The following GALNT15 variants were observed in gnomAD, a reference collection of about 807,000 sequenced individuals.
GALNT15 encodes UDP-GalNAc transferase T15.
A neutral mutation model predicts 66.8 loss-of-function variants in GALNT15; 67 were observed. The observed-to-expected ratio is 1.00, with a 90% confidence interval of 0.82 to 1.23. GALNT15 has a LOEUF of 1.23. GALNT15 is among the 50% of genes most tolerant of loss of function. The pLI, the probability that GALNT15 is intolerant of heterozygous loss-of-function variation, is 0.00. For missense variants in GALNT15, 827 were observed against 804.3 expected (o/e 1.03, Z -0.34); for synonymous variants, 313 against 311.5 (o/e 1.00, Z -0.05).
chr3:16,219,508 G>C lies in GALNT15; in HGVS notation c.1498G>C (p.Glu500Gln). ...TGTCTACCCTGAGCTGTACCCATCT[G>C]AACCCAGGCCCAGTTTCTCTGGAAA... ...ANVYPELYPS[E>Q]PRPSFSGKLH... Residue 500 changes from glutamate (E) to glutamine (Q), a missense_variant, in exon 7 of 10, where the codon GAA (glutamate) becomes CAA (glutamine). Glu to Gln is a conservative substitution (Grantham distance 29). Coordinates refer to ENST00000339732, the MANE Select transcript of GALNT15 (RefSeq NM_054110.5). The surrounding 1 kb of genome is among the most constrained non-coding windows in gnomAD (Gnocchi z 4.3). The C allele has an allele frequency of 6.2e-7, 1 of 1,614,192 alleles. No homozygotes were observed. Among genetic ancestry groups the C allele is most frequent in the Non-Finnish European group, 8.5e-7 (1 of 1,180,034 alleles).
chr3:16,242,658 A>C, the GALNT15 span, among the ~76,000 whole-genome samples: 2 of 152,204 alleles, frequency 1.3e-5, no homozygotes, highest in African/African-American at 4.8e-5. This position sits in a 1 kb window ranked among gnomAD's most constrained non-coding sequence, Gnocchi z 5.6. Flanking sequence ...ACATGCCTGT[A>C]GTCCCAGCTA....
chr3:16,178,684 C>A (rs949879533), intron 1 of GALNT15, among the ~76,000 whole-genome samples: 5 of 152,210 alleles, frequency 3.3e-5, no homozygotes, highest in Non-Finnish European at 5.9e-5. Flanking sequence ...ACCCTCCCCC[C>A]AGGGTGACAG....
At chr3:16,244,533 G>A in the GALNT15 span, among the ~76,000 whole-genome samples, 30 of 152,214 alleles carry the variant, frequency 2.0e-4, no homozygotes, top group African/African-American at 5.5e-4. Flanking sequence ...GCATCCTAAC[G>A]CCATTGGGCA....
intron 9 of GALNT15, among the ~76,000 whole-genome samples, chr3:16,226,294 A>C (rs538338825): frequency 5.3e-5 from 8 of 152,204 alleles, no homozygotes; most frequent in Non-Finnish European, 1.2e-4. Flanking sequence ...TTGTGAATAT[A>C]CTAAAAACCA....
rs1688850940 is a variant in GALNT15 at position 16,186,126 on chromosome 3, A to C, written c.540-9634A>C. On this transcript the variant is annotated intron_variant, in intron 1 of 9. Coordinates refer to ENST00000339732, the MANE Select transcript of GALNT15 (RefSeq NM_054110.5). The surrounding 1 kb of genome is among the most constrained non-coding windows in gnomAD (Gnocchi z 5.1). ...TAAACAACAAAACACTCCATTTTAA[A>C]ATGGGCAAAGGATTTGAATAGACAT... is the stretch of plus-strand genomic sequence containing the variant. 6.6e-6 allele frequency among the ~76,000 whole-genome samples: 1 copy of C among 152,238 alleles called. No homozygotes were observed. The highest frequency in any genetic ancestry group is 2.1e-4 in the South Asian group (1 of 4,836).
chr3:16,179,750 A>G (rs2063449656), intron 1 of GALNT15, among the ~76,000 whole-genome samples: 1 of 152,168 alleles, frequency 6.6e-6, no homozygotes, highest in Admixed American at 6.5e-5. Context: ...AACTCAATGA[A>G]ATGGTTGTGC....
intron 4 of GALNT15, among the ~76,000 whole-genome samples, 162 bp downstream of exon 4, chr3:16,208,832 C>G (rs1477145301): frequency 6.6e-6 from 1 of 152,172 alleles, no homozygotes; most frequent in African/African-American, 2.4e-5. Context: ...TAGTATTTAC[C>G]TATAAGGGTT....
chr3:16,233,092 A>ATGTTTTTTTTTTTTTTTTTTTTTTTTTT (rs771943641), downstream of GALNT15, among the ~76,000 whole-genome samples: 1 of 48,074 alleles, frequency 2.1e-5, no homozygotes, highest in Non-Finnish European at 4.2e-5. Flanking sequence ...AGGATAATGC[A>ATGTTTTTTTTTTTTTTTTTTTTTTTTTT]TCTTTTTTTT....
chr3:16,244,026 C>A, the GALNT15 span: 1 of 984,910 alleles, frequency 1.0e-6, no homozygotes, highest in South Asian at 4.7e-5. Context: ...ACAGGCTCTG[C>A]ACACTCAGAA....
At chr3:16,247,516 T>C in the GALNT15 span, among the ~76,000 whole-genome samples, 1 of 152,168 alleles carries the variant, frequency 6.6e-6, no homozygotes, top group Non-Finnish European at 1.5e-5. Context: ...AGGAACCAGG[T>C]CAGCCTGCAA....
chr3:16,230,194 C>T (rs762978793), downstream of GALNT15, among the ~76,000 whole-genome samples: 1 of 152,030 alleles, frequency 6.6e-6, no homozygotes, highest in Non-Finnish European at 1.5e-5. This position sits in a 1 kb window ranked among gnomAD's most constrained non-coding sequence, Gnocchi z 4.5. Context: ...TTAACTATAC[C>T]ACTGGGGAGA....
intron 2 of GALNT15, among the ~76,000 whole-genome samples, chr3:16,199,288 C>A (rs572293823): frequency 7.1e-6 from 1 of 141,830 alleles, no homozygotes; most frequent in Non-Finnish European, 1.6e-5. Context: ...TTCTCTCATC[C>A]TTTCCGTCAT....
downstream of GALNT15, chr3:16,231,661 A>G: frequency 1.5e-6 from 1 of 676,906 alleles, no homozygotes; most frequent in South Asian, 1.8e-5. This position sits in a 1 kb window ranked among gnomAD's most constrained non-coding sequence, Gnocchi z 4.1. Flanking sequence ...AATGTTTGAA[A>G]ATTAAAGTTC....
In GALNT15 at chr3:16,175,311, GA is replaced by G; in HGVS notation, c.162del (p.Ala55ProfsTer95). ...AGCCCAAGCCAGCAAGCACAGCCCT[GA>G]AGCCAGGTACCGCCTGGACTTTGGG... Reference protein sequence around the residue: ...VTAQASKHSPEARYRLDFGES... With the variant: ...VTAQASKHSPXARYRLDFGES... On this transcript the variant is annotated frameshift_variant, in exon 1 of 10. Coordinates refer to ENST00000339732, the MANE Select transcript of GALNT15 (RefSeq NM_054110.5). LOFTEE classifies it high-confidence loss of function. This position sits in a 1 kb window ranked among gnomAD's most constrained non-coding sequence, Gnocchi z 5.6. 1 of 1,614,204 alleles carries G rather than the reference GA, an allele frequency of 6.2e-7. No homozygotes were observed. Among genetic ancestry groups the G allele is most frequent in the South Asian group, 1.1e-5 (1 of 91,090 alleles).
intron 1 of GALNT15, among the ~76,000 whole-genome samples, chr3:16,179,120 A>T (rs1404763941): frequency 2.8e-4 from 43 of 152,220 alleles, no homozygotes; most frequent in Non-Finnish European, 7.4e-5. Context: ...AAGAGGTCAA[A>T]AGACAGTCTC....
intron 2 of GALNT15, among the ~76,000 whole-genome samples, chr3:16,196,967 G>T (rs907564346): frequency 4.6e-5 from 7 of 152,200 alleles, no homozygotes; most frequent in African/African-American, 1.7e-4. Flanking sequence ...GCCTAGCCTG[G>T]CCATAGCAGT....
chr3:16,220,237 C>A, intron 8 of GALNT15: 1 of 553,566 alleles, frequency 1.8e-6, no homozygotes, highest in Non-Finnish European at 3.2e-6. Flanking sequence ...ATAAAAGCAT[C>A]TTAGTTAAAG....
Position 16,175,338 on chromosome 3 carries a change from G to A in GALNT15, c.187G>A (p.Glu63Lys), listed in dbSNP as rs374232246. ...PEARYRLDFG[E>K]SQDWVLEAED... ...AGCCAGGTACCGCCTGGACTTTGGG[G>A]AATCCCAGGATTGGGTACTGGAAGC... The change falls in exon 1 of 10, where the codon GAA becomes AAA. Residue 63 changes from glutamate to lysine, a missense_variant. Physicochemically the swap from Glu to Lys is moderately conservative, Grantham distance 56. Transcript: ENST00000339732. This position sits in a 1 kb window ranked among gnomAD's most constrained non-coding sequence, Gnocchi z 5.6. The A allele has an allele frequency of 3.1e-6, 5 of 1,614,054 alleles. No individual in the cohort carries two copies. The highest frequency in any genetic ancestry group is 1.3e-5 in the African/African-American group (1 of 74,908).
the GALNT15 span, chr3:16,244,068 A>G: frequency 6.4e-6 from 6 of 937,106 alleles, no homozygotes; most frequent in Non-Finnish European, 7.6e-6. Context: ...ACACAGCTGC[A>G]TGGCTCAAAG....
Sources: allele counts gnomAD v4.1 joint callset (sites outside exome capture counted in the v4.1 genomes callset), GRCh38; gene constraint gnomAD v4.1.1; non-coding constraint Gnocchi (gnomAD v3.1); transcripts MANE v1.5; gene names NCBI Gene and HGNC (gene_info 2026-07-23, HGNC 2026-07-21).